FRMPD4: variants seen among roughly 807,000 people sequenced by gnomAD.
The protein encoded by FRMPD4 is FERM and PDZ domain-containing protein 4.
In FRMPD4, 22 loss-of-function variants were observed where a neutral mutation model predicts 94.1. That is an observed-to-expected ratio of 0.23 (90% CI 0.17 to 0.33). FRMPD4 has a LOEUF of 0.33. Among genes scored for constraint, FRMPD4 ranks in the 10% least tolerant of loss-of-function variants. The pLI, the probability that FRMPD4 is intolerant of heterozygous loss-of-function variation, is 1.00. For synonymous variants in FRMPD4, 631 were observed against 548.6 expected, an observed-to-expected ratio of 1.15 and a Z score of -2.10; for missense variants, 1,111 against 1,339.9, an observed-to-expected ratio of 0.83 and a Z score of 2.67.
chrX:12,305,222 C>G (rs749708340), intron 1 of FRMPD4, among the ~76,000 whole-genome samples: 107 of 111,898 alleles, frequency 9.6e-4, no homozygotes, highest in Non-Finnish European at 1.5e-3. Flanking sequence ...AATCCTGCTG[C>G]CCAGGTTTCC....
chrX:12,385,749 AAG>A (rs781080542), intron 1 of FRMPD4, among the ~76,000 whole-genome samples: 5 of 112,475 alleles, frequency 4.4e-5, no homozygotes, highest in Non-Finnish European at 9.4e-5. Context: ...AGGAGAATCA[AAG>A]AGTTTCTAAG....
At chrX:12,362,416 C>G (rs1221197978) in intron 1 of FRMPD4, among the ~76,000 whole-genome samples, 1 of 110,420 alleles carries the variant, frequency 9.1e-6, no homozygotes, top group Non-Finnish European at 1.9e-5. Flanking sequence ...TCCAAGTGTT[C>G]TCATTGTTCA....
At chrX:12,568,517 T>G (rs1175723680) in intron 2 of FRMPD4, among the ~76,000 whole-genome samples, 6 of 112,451 alleles carry the variant, frequency 5.3e-5, no homozygotes, top group African/African-American at 1.9e-4. Context: ...TCTTTCTCAG[T>G]GCTTCATAAA....
At chrX:12,271,081 C>G (rs1373004163) in intron 1 of FRMPD4, among the ~76,000 whole-genome samples, 1 of 112,095 alleles carries the variant, frequency 8.9e-6, no homozygotes, top group Non-Finnish European at 1.9e-5. Context: ...TTGGTTGGAA[C>G]ACGTAGTAAT....
At chrX:12,072,283 G>A (rs1204117462) in intron 3 of FRMPD4, among the ~76,000 whole-genome samples, 1 of 111,710 alleles carries the variant, frequency 9.0e-6, no homozygotes, top group East Asian at 2.8e-4. Context: ...ATCGTGTCTG[G>A]GAAATTCACA....
intron 1 of FRMPD4, among the ~76,000 whole-genome samples, chrX:11,825,808 TAC>T (rs1156658025): frequency 5.4e-4 from 60 of 112,090 alleles, no homozygotes; most frequent in African/African-American, 1.9e-3. Flanking sequence ...GGGTGAAGGG[TAC>T]ACAGAGCTCT....
At chrX:11,905,849 C>G (rs973552406) in intron 3 of FRMPD4, among the ~76,000 whole-genome samples, 13 of 111,385 alleles carry the variant, frequency 1.2e-4, no homozygotes, top group African/African-American at 3.6e-4. Flanking sequence ...TTTTATGAAG[C>G]ACACAGAAAG....
At chrX:12,476,871 T>C (rs1418861592) in intron 1 of FRMPD4, among the ~76,000 whole-genome samples, 1 of 111,986 alleles carries the variant, frequency 8.9e-6, no homozygotes, top group East Asian at 2.8e-4. Context: ...TTGGTGGGAC[T>C]GTAAACTAGT....
chrX:12,434,625 C>T (rs1006775798), intron 1 of FRMPD4, among the ~76,000 whole-genome samples: 53 of 112,429 alleles, frequency 4.7e-4, no homozygotes, highest in Non-Finnish European at 9.2e-4. Flanking sequence ...GAATGCCATA[C>T]CCCTGTTTAG....
At chrX:12,644,610 C>T (rs1324967231) in intron 4 of FRMPD4, among the ~76,000 whole-genome samples, 1 of 111,216 alleles carries the variant, frequency 9.0e-6, no homozygotes, top group Non-Finnish European at 1.9e-5. Context: ...GCTAAGAGGG[C>T]AGAAAAAGGC....
chrX:12,144,269 A>T (rs1476254830), intron 1 of FRMPD4, among the ~76,000 whole-genome samples: 1 of 112,240 alleles, frequency 8.9e-6, no homozygotes, highest in Non-Finnish European at 1.9e-5. Flanking sequence ...GATTTGACTG[A>T]GAGCATTATA....
At chrX:12,283,318 C>G (rs989508524) in intron 1 of FRMPD4, among the ~76,000 whole-genome samples, 15 of 112,936 alleles carry the variant, frequency 1.3e-4, no homozygotes, top group African/African-American at 4.8e-4. Context: ...ATTGTTATTT[C>G]TAAGTGAGTG....
At position 12,417,201 on chromosome X, in the gene FRMPD4, A is replaced by G. The variant is rs1278069326; in HGVS notation, c.42-81479A>G. Among the ~76,000 whole-genome samples, 2 of 111,335 alleles carry G rather than the reference A, an allele frequency of 1.8e-5. 1 individual carries two copies. Among genetic ancestry groups the G allele is most frequent in the African/African-American group, 6.5e-5 (2 of 30,567 alleles). ...CATCAGATACCACCATACTGGACAC[A>G]GTTACACTAGTATCACTTCAAAATG... On this transcript the variant is annotated intron_variant, in intron 1 of 16. Coordinates refer to ENST00000675598, the MANE Select transcript of FRMPD4 (RefSeq NM_001368397.1).
intron 3 of FRMPD4, among the ~76,000 whole-genome samples, chrX:12,047,074 T>C: frequency 9.1e-6 from 1 of 109,502 alleles, no homozygotes; most frequent in African/African-American, 3.3e-5. Context: ...TAAATATTTA[T>C]ACATGGTTAT....
At chrX:12,440,311 C>A (rs2057120912) in intron 1 of FRMPD4, among the ~76,000 whole-genome samples, 1 of 111,742 alleles carries the variant, frequency 8.9e-6, no homozygotes, top group Admixed American at 9.5e-5. Flanking sequence ...TGTAAAGCAA[C>A]CTTGATTTGA....
chrX:12,121,468 T>C (rs1462923018), intron 3 of FRMPD4, among the ~76,000 whole-genome samples: 1 of 112,091 alleles, frequency 8.9e-6, no homozygotes, highest in Non-Finnish European at 1.9e-5. Flanking sequence ...AACAAAAGAT[T>C]TTGGAGAGTC....
chrX:12,571,642 C>T (rs1473201112), intron 2 of FRMPD4, among the ~76,000 whole-genome samples: 1 of 112,792 alleles, frequency 8.9e-6, no homozygotes, highest in African/African-American at 3.2e-5. Context: ...AGGCCTGTGG[C>T]CTCCTCTTTC....
chrX:12,055,058 C>G (rs758800468), intron 3 of FRMPD4: 1 of 112,250 alleles, frequency 8.9e-6, no homozygotes, highest in African/African-American at 3.2e-5. Context: ...AATTATTTCA[C>G]AACATACACA....
intron 1 of FRMPD4, among the ~76,000 whole-genome samples, chrX:12,262,733 AG>A (rs1263915339): frequency 8.9e-6 from 1 of 111,738 alleles, no homozygotes; most frequent in Non-Finnish European, 1.9e-5. Flanking sequence ...GTCTTGAGGA[AG>A]TGAGTTATTC....
Sources: gnomAD v4.1 joint callset for allele counts (sites outside exome capture counted in the v4.1 genomes callset) on GRCh38, gnomAD v4.1.1 for gene constraint, MANE v1.5 for transcripts, NCBI Gene and HGNC (gene_info 2026-07-23, HGNC 2026-07-21) for gene names.